Variants in LONRF2 observed in about 807,000 individuals in gnomAD.
The protein encoded by LONRF2 is LON peptidase N-terminal domain and RING finger protein 2.
Under a neutral mutation model 66.6 loss-of-function variants are expected in LONRF2, and 35 were observed. The observed-to-expected ratio is 0.53, with a 90% CI of 0.40 to 0.70. LONRF2 has a LOEUF of 0.70. Ranked by LOEUF, LONRF2 falls within the 30% of genes least tolerant of loss-of-function variation. The pLI is 0.00. For missense variants in LONRF2, 902 were observed against 1,002.1 expected (o/e 0.90, Z 1.35); for synonymous variants, 417 against 418.1 (o/e 1.00, Z 0.03).
Position 100,287,072 on chromosome 2 carries a change from G to A in LONRF2, c.1921-9C>T. 6.2e-7 allele frequency: 1 copy of A among 1,612,574 alleles called. No individual in the cohort carries two copies. The highest frequency in any genetic ancestry group is 1.1e-5 in the South Asian group (1 of 90,734). Reference sequence around the variant, plus strand: ...TACTCTGGACCCTCCACCTGATCAGGGAAAGAGGCACAGCTGTGTGAACCA... The same window carrying A: ...TACTCTGGACCCTCCACCTGATCAGAGAAAGAGGCACAGCTGTGTGAACCA... On this transcript the variant is annotated splice_polypyrimidine_tract_variant and intron_variant, in intron 10 of 11. Transcript: ENST00000393437.
rs762460147 is a variant in LONRF2, at chr2:100,286,976, G to A, written c.2008C>T (p.Arg670Cys). 9 of 1,614,138 alleles carry A rather than the reference G, an allele frequency of 5.6e-6. No individual in the cohort carries two copies. The highest frequency in any genetic ancestry group is 3.3e-5 in the South Asian group (3 of 91,068). Residue 670 changes from arginine (R) to cysteine (C), a missense_variant, in exon 11 of 12, where the codon CGC becomes TGC. Physicochemically the swap from Arg to Cys is radical, Grantham distance 180 (BLOSUM62 -3). Coordinates refer to ENST00000393437, the MANE Select transcript of LONRF2 (RefSeq NM_198461.4). Reference sequence around the variant, plus strand: ...TGACTTAAAATTTGTTCTTTCATGCGATCCTGGAGAGACGCGAACCAGGAA... The same window carrying A: ...TGACTTAAAATTTGTTCTTTCATGCAATCCTGGAGAGACGCGAACCAGGAA... ...SVSWFASLQDRMKEQILSHFG... is the reference protein window; with the variant it reads ...SVSWFASLQDCMKEQILSHFG...
intron 2 of LONRF2, among the ~76,000 whole-genome samples, chr2:100,303,757 T>C (rs78991990): frequency 0.019 from 2,919 of 152,324 alleles, 93 homozygotes; most frequent in African/African-American, 0.066. Context: ...ACTTTCCTTT[T>C]ATCTTTGGTT....
At chr2:100,290,606 A>G (rs564102713) in intron 9 of LONRF2, among the ~76,000 whole-genome samples, 186 bp from the exon 10 acceptor site, 1 of 152,364 alleles carries the variant, frequency 6.6e-6, no homozygotes, top group South Asian at 2.1e-4. Flanking sequence ...GATGTTAAAT[A>G]TAGTGGTGAT....
rs774832700 is a variant in LONRF2, at chr2:100,299,338, A to C, written c.1268-19T>G. On this transcript the variant is annotated intron_variant, in intron 5 of 11. Transcript: ENST00000393437. ...GAGAGATCTGAATGCGAAAAAATTT[A>C]AAACGCTGTAATTAACACCTAAGCA... is the stretch of plus-strand genomic sequence containing the variant. The C allele has an allele frequency of 6.8e-7, 1 of 1,468,786 alleles. No individual in the cohort carries two copies. The highest frequency in any genetic ancestry group is 9.3e-7 in the Non-Finnish European group (1 of 1,078,590). 91.0% of individuals were successfully genotyped at this position (1,468,786 alleles called of 1,614,324 possible).
chr2:100,310,204 C>T (rs1281764238), intron 1 of LONRF2, among the ~76,000 whole-genome samples: 2 of 152,204 alleles, frequency 1.3e-5, no homozygotes, highest in African/African-American at 2.4e-5. Flanking sequence ...ATTGACTTGG[C>T]AGGGTCCCAT....
intron 1 of LONRF2, among the ~76,000 whole-genome samples, chr2:100,318,801 C>T (rs1029541343): frequency 6.7e-6 from 1 of 148,496 alleles, no homozygotes; most frequent in African/African-American, 2.5e-5. Flanking sequence ...CACTGCAGTC[C>T]AGCCTGGGTG....
chr2:100,305,693 T>C (rs1239410678), intron 2 of LONRF2, among the ~76,000 whole-genome samples: 1 of 152,206 alleles, frequency 6.6e-6, no homozygotes, highest in Non-Finnish European at 1.5e-5. Flanking sequence ...GTTTCATCCC[T>C]GAGCTCCCTG....
Position 100,300,709 on chromosome 2 carries a change from C to T in LONRF2, c.1000G>A (p.Ala334Thr). 1.2e-6 allele frequency: 2 copies of T among 1,613,870 alleles called. No individual in the cohort carries two copies. Residue 334 changes from alanine (A) to threonine (T), a missense_variant, in exon 4 of 12, where the codon GCT (alanine) becomes ACT (threonine). Coordinates refer to ENST00000393437, the MANE Select transcript of LONRF2 (RefSeq NM_198461.4). The part of the protein sequence containing the change: ...LTSSIQSRLK[A>T]QGHSHMNAQA... ...GCATTCATGTGGCTGTGACCCTGAG[C>T]CTTTAATCTGCTTTGGATGGAAGAT... is the stretch of plus-strand genomic sequence containing the variant.
chr2:100,303,590 A>G (rs1399153556), intron 2 of LONRF2, among the ~76,000 whole-genome samples: 1 of 152,194 alleles, frequency 6.6e-6, no homozygotes, highest in Non-Finnish European at 1.5e-5. Flanking sequence ...ACTGGTTTAC[A>G]TATAGTTGAA....
intron 10 of LONRF2, 73 bp from the exon 11 acceptor site, chr2:100,287,136 A>C (rs1573109565): frequency 7.2e-7 from 1 of 1,379,854 alleles, no homozygotes; most frequent in African/African-American, 1.5e-5. Flanking sequence ...CGACCTCTGC[A>C]CCTCCACTAA....
At chr2:100,306,250 G>A (rs1225585504) in intron 2 of LONRF2, among the ~76,000 whole-genome samples, 4 of 149,962 alleles carry the variant, frequency 2.7e-5, no homozygotes, top group Non-Finnish European at 5.9e-5. Context: ...AAGTTGCTAG[G>A]GCCCCTTTCA....
Position 100,299,278 on chromosome 2 carries a change from T to C in LONRF2, c.1309A>G (p.Ser437Gly). The change falls in exon 6 of 12, where the codon AGT becomes GGT. Residue 437 changes from serine (S) to glycine (G), a missense_variant. By Grantham distance (56) the Ser-to-Gly change is moderately conservative. This residue lies in a region of LONRF2 where 317 missense variants were observed against 432.2 expected (regional missense o/e 0.73). Transcript: ENST00000393437. ...QRSPNSETEE[S>G]QGLSLDVTDF... ...GTTACATCAAGCGAGAGCCCCTGAC[T>C]TTCTTCTGTCTCAGAGTTTGGGCTC... 6.3e-7 allele frequency: 1 copy of C among 1,595,282 alleles called. No homozygotes were observed. The highest frequency in any genetic ancestry group is 8.6e-7 in the Non-Finnish European group (1 of 1,169,438).
At chr2:100,285,199 G>A (rs2309824) in intron 11 of LONRF2, among the ~76,000 whole-genome samples, 112,592 of 152,014 alleles carry the variant, frequency 0.74, 42,846 homozygotes, top group East Asian at 0.96. Context: ...GCAGGATGCC[G>A]ATAAGAGCTG....
In LONRF2 at chr2:100,299,814, G is replaced by T; in HGVS notation, c.1170C>A (p.Ile390=). 2 of 1,613,878 alleles carry T rather than the reference G, an allele frequency of 1.2e-6. No homozygotes were observed. Among genetic ancestry groups the T allele is most frequent in the Non-Finnish European group, 1.7e-6 (2 of 1,179,870 alleles). ...FEEDKKALES[I]LPTAPSAGLK... is the part of the protein sequence containing the mutation. ...AGCCAGCGCTGGGTGCTGTTGGAAG[G>T]ATGCTTTCTAACGCCTTTTTATCCT... The change falls in exon 5 of 12, where the codon ATC becomes ATA. Residue 390 remains isoleucine (I), a synonymous_variant. Coordinates refer to ENST00000393437, the MANE Select transcript of LONRF2 (RefSeq NM_198461.4).
intron 3 of LONRF2, 60 bp from the exon 4 acceptor site, chr2:100,300,847 G>A (rs1164471833): frequency 7.4e-7 from 1 of 1,355,798 alleles, no homozygotes; most frequent in African/African-American, 1.5e-5. Context: ...TAAAAATATA[G>A]TATGTCTTAT....
At chr2:100,288,641 C>G (rs1297801796) in intron 10 of LONRF2, among the ~76,000 whole-genome samples, 1 of 152,190 alleles carries the variant, frequency 6.6e-6, no homozygotes, top group Middle Eastern at 3.2e-3. Flanking sequence ...AATTACAAAG[C>G]CAACCCCACA....
chr2:100,314,685 T>A (rs988136133), intron 1 of LONRF2, among the ~76,000 whole-genome samples: 8 of 152,208 alleles, frequency 5.3e-5, no homozygotes, highest in African/African-American at 1.9e-4. Context: ...TACTTAATTG[T>A]AATTTTGTTA....
chr2:100,288,232 G>C (rs1226441391), intron 10 of LONRF2, among the ~76,000 whole-genome samples: 1 of 152,096 alleles, frequency 6.6e-6, no homozygotes, highest in Non-Finnish European at 1.5e-5. Context: ...CCTGGGAGCT[G>C]GGCTCCCTGC....
At chr2:100,312,267 A>T (rs960093761) in intron 1 of LONRF2, among the ~76,000 whole-genome samples, 3 of 152,138 alleles carry the variant, frequency 2.0e-5, no homozygotes, top group Admixed American at 2.0e-4. Flanking sequence ...TATAAGTTTT[A>T]AAATCTTTTA....
Sources: gnomAD v4.1 joint callset for allele counts (sites outside exome capture counted in the v4.1 genomes callset) on GRCh38, gnomAD v4.1.1 for gene constraint, gnomAD v4.1.1 regional missense constraint, MANE v1.5 for transcripts, NCBI Gene and HGNC (gene_info 2026-07-23, HGNC 2026-07-21) for gene names.